The following PON3 variants were observed in gnomAD, a reference collection of about 807,000 sequenced individuals.
The protein encoded by PON3 is paraoxonase 3.
PON3 carries 37 observed loss-of-function variants against 36.3 expected under a neutral mutation model. The ratio of observed to expected loss-of-function variants is 1.02; its 90% CI spans 0.78 to 1.34. The LOEUF is 1.34. PON3 is among the 40% of genes most tolerant of loss of function. The pLI is 0.00. For synonymous variants in PON3, 155 were observed against 154.8 expected (o/e 1.00, Z -0.01); for missense variants, 415 against 426.5 (o/e 0.97, Z 0.24).
intron 8 of PON3, among the ~76,000 whole-genome samples, chr7:95,361,927 T>C (rs960946513): frequency 3.9e-5 from 6 of 152,172 alleles, no homozygotes; most frequent in Admixed American, 6.5e-5. Flanking sequence ...CCATCGTATA[T>C]GTTAGAACTT....
chr7:95,378,338 T>C (rs1585726397), intron 3 of PON3, among the ~76,000 whole-genome samples: 1 of 152,290 alleles, frequency 6.6e-6, no homozygotes, highest in Middle Eastern at 3.4e-3. Context: ...CTTCAGGATA[T>C]TATCCAGGAG....
chr7:95,373,765 A>G (rs17886518), intron 3 of PON3, among the ~76,000 whole-genome samples: 4,685 of 152,148 alleles, frequency 0.031, 262 homozygotes, highest in African/African-American at 0.1. Context: ...ATGATAGGCA[A>G]TCTATTGGAT....
intron 3 of PON3, among the ~76,000 whole-genome samples, chr7:95,379,321 G>A (rs942059880): frequency 5.3e-5 from 8 of 152,212 alleles, no homozygotes; most frequent in South Asian, 2.1e-4. Context: ...CTGAGGTACC[G>A]GGTTCATCTC....
intron 3 of PON3, among the ~76,000 whole-genome samples, chr7:95,385,855 C>G (rs1809177705): frequency 6.6e-6 from 1 of 152,122 alleles, no homozygotes; most frequent in African/African-American, 2.4e-5. Context: ...TAAAGATTTT[C>G]TTTGACATCA....
In PON3 at chr7:95,396,035, T is replaced by G; in HGVS notation, c.74+242A>C. ...GGGTCATGACCTTCAGAAAGCAAAG[T>G]GGGGGATCATAACCTTCAAAAAATA... On this transcript the variant is annotated intron_variant, in intron 1 of 8. Coordinates refer to ENST00000265627, the MANE Select transcript of PON3 (RefSeq NM_000940.3). 8.9e-6 allele frequency: 5 copies of G among 559,636 alleles called. No homozygotes were observed. The South Asian group carries it at 1.0e-4, about 11-fold the overall frequency. 34.7% of individuals were successfully genotyped at this position (559,636 alleles called of 1,614,324 possible). A position where few individuals can be genotyped will look rare whatever the true frequency, so the allele number is the denominator to read the frequency against.
chr7:95,363,832 A>G (rs2116376657), intron 6 of PON3, 31 bp downstream of exon 6: 1 of 1,595,798 alleles, frequency 6.3e-7, no homozygotes, highest in Non-Finnish European at 8.6e-7. Flanking sequence ...TGTCAAGGGC[A>G]AAGGATAGAA....
chr7:95,364,422 A>ACACTTC, intron 5 of PON3: 5 of 329,502 alleles, frequency 1.5e-5, no homozygotes, highest in South Asian at 1.4e-4. Flanking sequence ...TTCAGGAATT[A>ACACTTC]CACTTCCCCA....
At chr7:95,361,275 A>C (rs1218043656) in intron 8 of PON3, among the ~76,000 whole-genome samples, 1 of 152,188 alleles carries the variant, frequency 6.6e-6, no homozygotes, top group African/African-American at 2.4e-5. Context: ...AAAAAGAAAT[A>C]ATCATATTTT....
chr7:95,392,084 A>T (rs1288042662), intron 2 of PON3, among the ~76,000 whole-genome samples: 3 of 152,222 alleles, frequency 2.0e-5, no homozygotes, highest in Non-Finnish European at 4.4e-5. Context: ...CAAATTGGTT[A>T]TGAGGATGAT....
chr7:95,381,669 T>C (rs992265644), intron 3 of PON3, among the ~76,000 whole-genome samples: 1 of 152,196 alleles, frequency 6.6e-6, no homozygotes, highest in Non-Finnish European at 1.5e-5. Flanking sequence ...TAAATATATA[T>C]GCACCCAATA....
chr7:95,386,274 G>T (rs6946761), intron 3 of PON3, among the ~76,000 whole-genome samples: 1 of 151,786 alleles, frequency 6.6e-6, no homozygotes. Context: ...AATCAAATAG[G>T]TGCAATAAAA....
chr7:95,373,175 T>C (rs1415737451), intron 3 of PON3, among the ~76,000 whole-genome samples: 2 of 152,198 alleles, frequency 1.3e-5, no homozygotes, highest in Non-Finnish European at 1.5e-5. Context: ...CTTTATATCT[T>C]CTCTGCTACC....
intron 2 of PON3, among the ~76,000 whole-genome samples, chr7:95,393,039 C>T (rs897356769): frequency 3.9e-5 from 6 of 152,186 alleles, no homozygotes; most frequent in Non-Finnish European, 8.8e-5. Context: ...GTTTCTTCTG[C>T]TTTCCAGCTG....
rs1417545859 is a variant in PON3 at position 95,377,538 on chromosome 7, A to T, written c.202-5200T>A. ...CAGTAGGGGCTGACAGATACCTCAT[A>T]CAGGCGGATGCCCCTCTGGGATGAA... is the stretch of plus-strand genomic sequence containing the variant. On this transcript the variant is annotated intron_variant, in intron 3 of 8. Transcript: ENST00000265627. 1.2e-5 allele frequency: 5 copies of T among 425,270 alleles called. No individual in the cohort carries two copies. The Admixed American group carries it at 1.2e-4, about 11-fold the overall frequency. The allele number at this position is 425,270 out of a possible 1,614,324, so 26.3% of individuals were successfully genotyped here. A position where few individuals can be genotyped will look rare whatever the true frequency, so the allele number is the denominator to read the frequency against.
chr7:95,367,353 A>G lies in PON3; in HGVS notation c.494+9T>C, dbSNP rs201191773. The G allele has an allele frequency of 1.4e-5, 22 of 1,611,324 alleles. No homozygotes were observed. Among genetic ancestry groups the G allele is most frequent in the East Asian group, 1.1e-4 (5 of 44,850 alleles). On this transcript the variant is annotated intron_variant, in intron 5 of 8. Coordinates refer to ENST00000265627, the MANE Select transcript of PON3 (RefSeq NM_000940.3). The stretch of plus-strand genomic sequence containing the variant: ...GTAAATAGAACCGCACAATACTTTC[A>G]TTCCATACCTTTTGAGAAGTTCATG...
At chr7:95,388,494 G>T (rs1809250496) in intron 3 of PON3, among the ~76,000 whole-genome samples, 1 of 152,206 alleles carries the variant, frequency 6.6e-6, no homozygotes, top group South Asian at 2.1e-4. Context: ...GTTGGTGGGA[G>T]TGTAAATTAG....
intron 3 of PON3, among the ~76,000 whole-genome samples, chr7:95,374,051 T>A (rs1245119640): frequency 6.6e-6 from 1 of 152,148 alleles, no homozygotes; most frequent in African/African-American, 2.4e-5. Context: ...ATCTAATGCC[T>A]GATGATCTGA....
intron 8 of PON3, among the ~76,000 whole-genome samples, chr7:95,361,485 C>T (rs1460131921): frequency 6.6e-6 from 1 of 152,106 alleles, no homozygotes; most frequent in South Asian, 2.1e-4. Context: ...CCTGCTCATC[C>T]TGCTGCATAT....
intron 3 of PON3, among the ~76,000 whole-genome samples, chr7:95,373,678 GA>G (rs1402683993): frequency 6.6e-6 from 1 of 152,140 alleles, no homozygotes; most frequent in Non-Finnish European, 1.5e-5. Flanking sequence ...AAATCAGATT[GA>G]AAAACTCCAC....
Sources: allele counts gnomAD v4.1 joint callset (sites outside exome capture counted in the v4.1 genomes callset), GRCh38; gene constraint gnomAD v4.1.1; transcripts MANE v1.5; gene names NCBI Gene and HGNC (gene_info 2026-07-23, HGNC 2026-07-21).